CSMD1: variants seen among roughly 807,000 people sequenced by gnomAD.
CSMD1 encodes the protein CUB and Sushi multiple domains 1.
A neutral mutation model predicts 417.5 loss-of-function variants in CSMD1; 213 were observed. The ratio of observed to expected loss-of-function variants is 0.51; its 90% CI spans 0.46 to 0.57. The LOEUF (loss-of-function observed/expected upper bound fraction) is 0.57. CSMD1 is among the 20% of genes least tolerant of loss of function. The pLI is 0.00. For missense variants in CSMD1, 6,923 were observed against 4,529.7 expected, an observed-to-expected ratio of 1.53 and a Z score of -15.17; for synonymous variants, 2,862 against 1,736.8, an observed-to-expected ratio of 1.65 and a Z score of -16.11.
chr8:3,284,027 AG>A, intron 26 of CSMD1, 116 bp downstream of exon 26: 1 of 888,172 alleles, frequency 1.1e-6, no homozygotes, highest in Non-Finnish European at 1.8e-6. Flanking sequence ...ACTTCAAATT[AG>A]GCTCAATAAA....
intron 2 of CSMD1, among the ~76,000 whole-genome samples, chr8:4,451,343 C>G (rs551847095): frequency 9.2e-5 from 14 of 152,134 alleles, no homozygotes; most frequent in Non-Finnish European, 1.9e-4. Flanking sequence ...AAGCAAGACC[C>G]TGACTCAAAA....
intron 7 of CSMD1, among the ~76,000 whole-genome samples, chr8:3,646,326 A>G (rs1328323831): frequency 6.6e-6 from 1 of 152,186 alleles, no homozygotes; most frequent in African/African-American, 2.4e-5. Context: ...AATATAGAAG[A>G]TATTAAAACA....
intron 1 of CSMD1, among the ~76,000 whole-genome samples, chr8:4,772,040 C>G (rs1796624864): frequency 6.6e-6 from 1 of 152,214 alleles, no homozygotes; most frequent in African/African-American, 2.4e-5. Flanking sequence ...CCACGTCGGT[C>G]TCACTGGGCT....
chr8:4,450,814 A>C (rs77518223), intron 2 of CSMD1, among the ~76,000 whole-genome samples: 26,875 of 152,162 alleles, frequency 0.18, 2,534 homozygotes, highest in South Asian at 0.28. Context: ...CGAGAGGCAT[A>C]AACATACTGC....
intron 10 of CSMD1, among the ~76,000 whole-genome samples, chr8:3,506,550 C>T (rs1185604127): frequency 1.3e-5 from 2 of 152,188 alleles, no homozygotes; most frequent in African/African-American, 4.8e-5. Flanking sequence ...ACGTTTCATT[C>T]ATTCCCTCAT....
chr8:4,055,296 A>G (rs1798635027), intron 3 of CSMD1, among the ~76,000 whole-genome samples: 1 of 152,164 alleles, frequency 6.6e-6, no homozygotes, highest in African/African-American at 2.4e-5. Context: ...TTTTCTCTAG[A>G]AAGATTCCAA....
chr8:3,794,472 A>G (rs1172126008), intron 5 of CSMD1, among the ~76,000 whole-genome samples: 1 of 152,126 alleles, frequency 6.6e-6, no homozygotes, highest in African/African-American at 2.4e-5. Flanking sequence ...TTAAATCAAC[A>G]AATAGTTTTT....
At chr8:3,883,270 T>C (rs1384374064) in intron 5 of CSMD1, among the ~76,000 whole-genome samples, 1 of 152,106 alleles carries the variant, frequency 6.6e-6, no homozygotes, top group Admixed American at 6.6e-5. Flanking sequence ...TGAGATAAAG[T>C]ATTTCCAGCT....
chr8:4,350,754 G>A (rs1440874582), intron 3 of CSMD1, among the ~76,000 whole-genome samples: 2 of 152,110 alleles, frequency 1.3e-5, no homozygotes, highest in Non-Finnish European at 2.9e-5. Flanking sequence ...AAATCCAGTG[G>A]CAGCTGATTG....
At chr8:3,652,678 G>C (rs1174009083) in intron 7 of CSMD1, among the ~76,000 whole-genome samples, 1 of 152,176 alleles carries the variant, frequency 6.6e-6, no homozygotes, top group Non-Finnish European at 1.5e-5. Flanking sequence ...CATAGGAACA[G>C]TATGGGGGAA....
chr8:4,275,672 C>T lies in CSMD1; in HGVS notation c.415+144281G>A, dbSNP rs150574219. ...ATGCAAATAATGCAAAAATTGTATACGTTTTGCAAAGCTTGTTTTAGTGAT... is the reference window on the plus strand; with the variant it reads ...ATGCAAATAATGCAAAAATTGTATATGTTTTGCAAAGCTTGTTTTAGTGAT... On this transcript the variant is annotated intron_variant, in intron 3 of 69. Coordinates refer to ENST00000635120, the MANE Select transcript of CSMD1 (RefSeq NM_033225.6). Among the ~76,000 whole-genome samples the T allele has an allele frequency of 2.7e-3, 404 of 152,224 alleles. 3 individuals are homozygous for T. The highest frequency in any genetic ancestry group is 9.2e-3 in the African/African-American group (382 of 41,558).
At chr8:4,190,800 G>T (rs1798981007) in intron 3 of CSMD1, among the ~76,000 whole-genome samples, 1 of 152,120 alleles carries the variant, frequency 6.6e-6, no homozygotes. Context: ...CCTCTGCAGG[G>T]ACATGGATGG....
chr8:3,179,092 C>CG (rs1554452946), intron 37 of CSMD1, among the ~76,000 whole-genome samples: 13 of 151,104 alleles, frequency 8.6e-5, no homozygotes, highest in Non-Finnish European at 1.3e-4. Flanking sequence ...GGACTACAGG[C>CG]CCGCCACCAC....
At chr8:4,813,639 T>TAA (rs1799036976) in intron 1 of CSMD1, among the ~76,000 whole-genome samples, 1 of 152,222 alleles carries the variant, frequency 6.6e-6, no homozygotes, top group Admixed American at 6.5e-5. Flanking sequence ...TCCAGAGCTG[T>TAA]AATAACATCA....
intron 3 of CSMD1, among the ~76,000 whole-genome samples, chr8:4,277,994 G>C (rs143767261): frequency 4.3e-4 from 65 of 152,092 alleles, no homozygotes; most frequent in African/African-American, 1.5e-3. Flanking sequence ...GTGATTCGCC[G>C]CCTTGCCCTC....
chr8:4,249,641 G>A (rs747415316), intron 3 of CSMD1, among the ~76,000 whole-genome samples: 42 of 152,132 alleles, frequency 2.8e-4, no homozygotes, highest in Non-Finnish European at 4.3e-4. Context: ...AGTGTGGAAC[G>A]TGGCTCTAGG....
At chr8:4,614,102 A>G (rs1191184302) in intron 2 of CSMD1, among the ~76,000 whole-genome samples, 2 of 152,178 alleles carry the variant, frequency 1.3e-5, no homozygotes, top group Non-Finnish European at 2.9e-5. Context: ...CCAATGTGAG[A>G]ACGGACAGAG....
In CSMD1 at chr8:4,347,672, T is replaced by G. The variant is rs1259343251; in HGVS notation, c.415+72281A>C. Among the ~76,000 whole-genome samples, 4 of 152,166 alleles carry G rather than the reference T, an allele frequency of 2.6e-5. No individual in the cohort carries two copies. In the East Asian group the frequency reaches 7.7e-4, roughly 29 times the overall value. ...GTGTAATTTCACATCAGTATGCAAT[T>G]GCAATGACTCCTATTACTACAAACA... On this transcript the variant is annotated intron_variant, in intron 3 of 69. Coordinates refer to ENST00000635120, the MANE Select transcript of CSMD1 (RefSeq NM_033225.6).
chr8:4,059,383 C>G (rs1310386695), intron 3 of CSMD1, among the ~76,000 whole-genome samples: 3 of 151,530 alleles, frequency 2.0e-5, no homozygotes, highest in East Asian at 1.9e-4. Flanking sequence ...ATTAAAAGAA[C>G]TAGAAAAGCA....
Sources: gnomAD v4.1 joint callset for allele counts (sites outside exome capture counted in the v4.1 genomes callset) on GRCh38, gnomAD v4.1.1 for gene constraint, MANE v1.5 for transcripts, NCBI Gene and HGNC (gene_info 2026-07-23, HGNC 2026-07-21) for gene names.